Variants in GALNTL6 observed in about 807,000 individuals in gnomAD.
GALNTL6 encodes the protein polypeptide N-acetylgalactosaminyltransferase like 6, also known as polypeptide N-acetylgalactosaminyltransferase-like 6.
GALNTL6 carries 46 observed loss-of-function variants against 73.7 expected under a neutral mutation model. The ratio of observed to expected loss-of-function variants is 0.62; its 90% CI spans 0.49 to 0.80. The LOEUF (loss-of-function observed/expected upper bound fraction) is 0.80. Among genes scored for constraint, GALNTL6 ranks in the 30% least tolerant of loss-of-function variants. GALNTL6 has a pLI of 0.00. For synonymous variants in GALNTL6, 259 were observed against 263.7 expected (o/e 0.98, Z 0.17); for missense variants, 604 against 755.0 (o/e 0.80, Z 2.34).
intron 10 of GALNTL6, among the ~76,000 whole-genome samples, chr4:172,988,361 G>A (rs1181836305): frequency 6.6e-6 from 1 of 152,144 alleles, no homozygotes; most frequent in African/African-American, 2.4e-5. Context: ...TCTGGCAAAA[G>A]AAATATCTAA....
chr4:172,579,390 A>G (rs1579207744), intron 5 of GALNTL6, among the ~76,000 whole-genome samples: 1 of 152,170 alleles, frequency 6.6e-6, no homozygotes, highest in East Asian at 1.9e-4. Flanking sequence ...CTGGAAAACT[A>G]TATATAAGTC....
chr4:172,519,963 A>G (rs1018511926), intron 5 of GALNTL6, among the ~76,000 whole-genome samples: 4 of 151,916 alleles, frequency 2.6e-5, no homozygotes, highest in Admixed American at 6.6e-5. Flanking sequence ...TTTTCAGTAA[A>G]AGGATTAGCT....
At chr4:172,020,833 C>A (rs13140865) in intron 2 of GALNTL6, among the ~76,000 whole-genome samples, 18,521 of 151,710 alleles carry the variant, frequency 0.12, 2,848 homozygotes, top group African/African-American at 0.36. Flanking sequence ...CTGATACTTA[C>A]ACCAAAGACA....
chr4:172,079,173 G>A (rs192229654), intron 2 of GALNTL6, among the ~76,000 whole-genome samples: 1 of 151,958 alleles, frequency 6.6e-6, no homozygotes, highest in East Asian at 1.9e-4. Context: ...AGATTCTGCT[G>A]GTAGTAAAGT....
At chr4:173,004,176 C>T (rs1221768287) in intron 10 of GALNTL6, among the ~76,000 whole-genome samples, 1 of 151,622 alleles carries the variant, frequency 6.6e-6, no homozygotes, top group African/African-American at 2.4e-5. Flanking sequence ...AGAGCAAGAC[C>T]CTATCTCTTG....
chr4:171,961,706 G>C (rs1419215000), intron 2 of GALNTL6, among the ~76,000 whole-genome samples: 3 of 152,158 alleles, frequency 2.0e-5, no homozygotes, highest in African/African-American at 7.2e-5. Flanking sequence ...AGGCTAACGT[G>C]CTTATTCCTG....
At chr4:172,259,361 T>A (rs1348796477) in intron 3 of GALNTL6, among the ~76,000 whole-genome samples, 1 of 151,624 alleles carries the variant, frequency 6.6e-6, no homozygotes, top group Non-Finnish European at 1.5e-5. Context: ...TAGTTAATGA[T>A]GTTGAGCTTT....
At chr4:172,852,598 G>C (rs562648559) in intron 7 of GALNTL6, among the ~76,000 whole-genome samples, 1 of 152,216 alleles carries the variant, frequency 6.6e-6, no homozygotes, top group Admixed American at 6.5e-5. Context: ...ATGTTTATTC[G>C]GGGTAAGGGA....
At position 171,878,044 on chromosome 4, in the gene GALNTL6, GA is replaced by G. The variant is rs562440261; in HGVS notation, c.138+63327del. 4.9e-3 allele frequency among the ~76,000 whole-genome samples: 752 copies of G among 152,286 alleles called. 17 individuals are homozygous for G. The highest frequency in any genetic ancestry group is 3.3e-3 in the Non-Finnish European group (227 of 68,026). Reference sequence around the variant, plus strand: ...AATGACTTCATATGTGAAACAATGAGATACAGTGGAACTGTTTATAATTCTA... The same window carrying G: ...AATGACTTCATATGTGAAACAATGAGTACAGTGGAACTGTTTATAATTCTA... On this transcript the variant is annotated intron_variant, in intron 2 of 12. Coordinates refer to ENST00000506823, the MANE Select transcript of GALNTL6 (RefSeq NM_001034845.3).
chr4:172,244,628 G>A (rs541982738), intron 3 of GALNTL6, among the ~76,000 whole-genome samples: 123 of 152,178 alleles, frequency 8.1e-4, no homozygotes, highest in African/African-American at 2.7e-3. Context: ...TATAGAATAT[G>A]AAGGATATTT....
rs530249439 is a variant in GALNTL6 at position 172,268,511 on chromosome 4, T to C, written c.247+38747T>C. 2.0e-5 allele frequency among the ~76,000 whole-genome samples: 3 copies of C among 152,324 alleles called. No individual in the cohort carries two copies. In the South Asian group the frequency reaches 6.2e-4, roughly 32 times the overall value. ...ATGCAGGTGGCCTCCGCCTAGACTC[T>C]TGACCTGGGCAAAGCACTTCTCTTC... On this transcript the variant is annotated intron_variant, in intron 3 of 12. Coordinates refer to ENST00000506823, the MANE Select transcript of GALNTL6 (RefSeq NM_001034845.3).
At position 172,436,347 on chromosome 4, in the gene GALNTL6, C is replaced by T. The variant is rs529736720; in HGVS notation, c.553+87658C>T. On this transcript the variant is annotated intron_variant, in intron 5 of 12. Transcript: ENST00000506823. The stretch of plus-strand genomic sequence containing the variant: ...TATGAGATAAAAGAGATTTTTAAAA[C>T]CATTCAGTCCAAGAAGTAATGAGAC... Among the ~76,000 whole-genome samples the T allele has an allele frequency of 1.9e-3, 287 of 152,094 alleles. 4 individuals carry two copies. The South Asian group carries it at 0.021, about 11-fold the overall frequency.
intron 5 of GALNTL6, among the ~76,000 whole-genome samples, chr4:172,551,694 A>G (rs1195974482): frequency 6.6e-6 from 1 of 152,174 alleles, no homozygotes; most frequent in Non-Finnish European, 1.5e-5. Flanking sequence ...GAGGAATGCT[A>G]TTGTTTGGAA....
chr4:171,819,961 G>T (rs1460633343), intron 2 of GALNTL6, among the ~76,000 whole-genome samples: 1 of 152,090 alleles, frequency 6.6e-6, no homozygotes, highest in South Asian at 2.1e-4. Context: ...GAAATGGAAG[G>T]TTCTGAAGAT....
intron 2 of GALNTL6, among the ~76,000 whole-genome samples, chr4:171,960,936 C>T (rs563918959): frequency 2.6e-5 from 4 of 151,908 alleles, no homozygotes; most frequent in African/African-American, 9.7e-5. Context: ...ACAGAGTAGC[C>T]ATTCTTTATT....
In GALNTL6 at chr4:172,151,938, A is replaced by ATATCTATC. The variant is rs10528560; in HGVS notation, c.139-77674_139-77667dup. ...TATCTATAATCTATAATATAAATTT[A>ATATCTATC]TATCTATCTATCTATCTATCTATCT... is the stretch of plus-strand genomic sequence containing the variant. On this transcript the variant is annotated intron_variant, in intron 2 of 12. Coordinates refer to ENST00000506823, the MANE Select transcript of GALNTL6 (RefSeq NM_001034845.3). 1.1e-3 allele frequency among the ~76,000 whole-genome samples: 157 copies of ATATCTATC among 146,528 alleles called. 1 individual carries two copies. The highest frequency in any genetic ancestry group is 2.6e-3 in the African/African-American group (101 of 39,542).
intron 2 of GALNTL6, among the ~76,000 whole-genome samples, chr4:172,140,134 T>C (rs748892504): frequency 1.3e-5 from 2 of 152,096 alleles, no homozygotes; most frequent in Non-Finnish European, 2.9e-5. Context: ...TACCAATTTG[T>C]TGTATCACAA....
chr4:172,148,725 G>T (rs565778512), intron 2 of GALNTL6, among the ~76,000 whole-genome samples: 5 of 152,156 alleles, frequency 3.3e-5, no homozygotes. Flanking sequence ...CTGCCAGCTC[G>T]AAGTGCTCTT....
At chr4:172,030,347 C>T (rs1012812303) in intron 2 of GALNTL6, among the ~76,000 whole-genome samples, 6 of 152,144 alleles carry the variant, frequency 3.9e-5, no homozygotes, top group Middle Eastern at 3.4e-3. Flanking sequence ...GCATGTCAAG[C>T]AACCGGGGTA....
Sources: gnomAD v4.1 joint callset for allele counts (sites outside exome capture counted in the v4.1 genomes callset) on GRCh38, gnomAD v4.1.1 for gene constraint, MANE v1.5 for transcripts, NCBI Gene and HGNC (gene_info 2026-07-23, HGNC 2026-07-21) for gene names.